The following LRRC37A3 variants were observed in gnomAD, a reference collection of about 807,000 sequenced individuals.
The protein encoded by LRRC37A3 is leucine-rich repeat-containing protein 37A3.
Under a neutral mutation model 106.2 loss-of-function variants are expected in LRRC37A3, and 25 were observed. That is an observed-to-expected ratio of 0.24 (90% CI 0.17 to 0.33). The LOEUF (loss-of-function observed/expected upper bound fraction) is 0.33, where lower values mean the gene tolerates loss of function less well. Among genes scored for constraint, LRRC37A3 ranks in the 10% least tolerant of loss-of-function variants. The pLI is 1.00. For synonymous variants in LRRC37A3, 305 were observed against 635.8 expected (o/e 0.48, Z 7.83); for missense variants, 712 against 1,644.9 (o/e 0.43, Z 9.81).
At chr17:64,910,120 T>C (rs1475800519) in intron 2 of LRRC37A3, 1 of 152,332 alleles carries the variant, frequency 6.6e-6, no homozygotes, top group African/African-American at 2.4e-5. Context: ...TAAATCTGCA[T>C]TGTGGTCATA....
intron 2 of LRRC37A3, among the ~76,000 whole-genome samples, chr17:64,916,471 C>T (rs1974703217): frequency 6.6e-6 from 1 of 151,594 alleles, no homozygotes; most frequent in African/African-American, 2.4e-5. Flanking sequence ...AATTAAACAT[C>T]TTAAATAAAG....
chr17:64,860,894 C>T lies in LRRC37A3; in HGVS notation c.3252G>A (p.Glu1084=). 2 of 1,614,168 alleles carry T rather than the reference C, an allele frequency of 1.2e-6. No individual in the cohort carries two copies. Among genetic ancestry groups the T allele is most frequent in the Non-Finnish European group, 1.7e-6 (2 of 1,180,020 alleles). ...LQARKNYTST[E]LIIEPEEPSD... is the part of the protein sequence containing the mutation. ...AGGGCTCCTCCGGCTCAATAATCAG[C>T]TCAGTGCTTGTGTAATTCTTCCGGG... Residue 1084 remains glutamate, a synonymous_variant, in exon 12 of 15, where the codon GAG becomes GAA. Coordinates refer to ENST00000584306, the MANE Select transcript of LRRC37A3 (RefSeq NM_199340.5).
intron 11 of LRRC37A3, 70 bp downstream of exon 11, chr17:64,862,830 T>C (rs1972921031): frequency 6.6e-7 from 1 of 1,520,600 alleles, no homozygotes; most frequent in Non-Finnish European, 9.0e-7. Flanking sequence ...AATTTTATCA[T>C]CATTAAAAAT....
At chr17:64,865,716 C>T (rs560864197) in intron 10 of LRRC37A3, among the ~76,000 whole-genome samples, 7 of 152,254 alleles carry the variant, frequency 4.6e-5, no homozygotes, top group East Asian at 3.9e-4. Flanking sequence ...AGGCATTCTC[C>T]GACATAACCA....
At chr17:64,873,328 ATTT>A in intron 8 of LRRC37A3, among the ~76,000 whole-genome samples, 1 of 150,738 alleles carries the variant, frequency 6.6e-6, no homozygotes, top group East Asian at 2.0e-4. Context: ...CTAGACAAAG[ATTT>A]TTTTATTTTT....
Position 64,860,086 on chromosome 17 carries a change from G to C in LRRC37A3, c.4060C>G (p.Pro1354Ala). 6.2e-7 allele frequency: 1 copy of C among 1,613,954 alleles called. No homozygotes were observed. Among genetic ancestry groups the C allele is most frequent in the Non-Finnish European group, 8.5e-7 (1 of 1,179,876 alleles). ...FSAAKSLINS[P>A]SQGAFSSLRD... ...AAGGATGAAAAAGCCCCTTGTGAAG[G>C]GGAATTTATGAGGCTCTTCGCTGCA... The change falls in exon 12 of 15, where the codon CCT (proline) becomes GCT (alanine). Residue 1354 changes from proline to alanine, a missense_variant. By Grantham distance (27) the Pro-to-Ala change is conservative. Transcript: ENST00000584306.
chr17:64,909,226 G>A (rs2685574), intron 2 of LRRC37A3, among the ~76,000 whole-genome samples: 5 of 151,732 alleles, frequency 3.3e-5, no homozygotes, highest in African/African-American at 9.7e-5. Context: ...AGTTATCTTC[G>A]AACTTTGCTA....
rs1250869988 is a variant in LRRC37A3 at position 64,854,226 on chromosome 17, G to C, written c.*373C>G. On this transcript the variant is annotated 3_prime_UTR_variant, in exon 15 of 15. Transcript: ENST00000584306. ...CATTCATGCGTGTGCTTGAGGGCTT[G>C]GGAAAAAGACAGGGCTTGGCCCCAC... The C allele has an allele frequency of 2.9e-6, 1 of 341,010 alleles. No homozygotes were observed. Among genetic ancestry groups the C allele is most frequent in the African/African-American group, 2.1e-5 (1 of 47,280 alleles). 21.1% of individuals were successfully genotyped at this position (341,010 alleles called of 1,614,324 possible).
At chr17:64,868,079 C>CA (rs907210324) in intron 10 of LRRC37A3, among the ~76,000 whole-genome samples, 165 of 144,376 alleles carry the variant, frequency 1.1e-3, no homozygotes, top group Non-Finnish European at 1.6e-3. Context: ...ATTTCAAAAA[C>CA]AAAAAAAAAA....
chr17:64,874,070 C>T (rs915116661), intron 8 of LRRC37A3, among the ~76,000 whole-genome samples: 1 of 152,156 alleles, frequency 6.6e-6, no homozygotes, highest in Admixed American at 6.5e-5. Context: ...TACAAGGGAT[C>T]CTCAATAAGA....
intron 6 of LRRC37A3, among the ~76,000 whole-genome samples, chr17:64,887,506 TCAAACAAA>T (rs555418869): frequency 1.8e-5 from 1 of 56,788 alleles, no homozygotes; most frequent in Non-Finnish European, 3.5e-5. Context: ...AGATTCCGTC[TCAAACAAA>T]CAAACAAACA....
At chr17:64,919,057 C>G (rs1040922976) in intron 1 of LRRC37A3, among the ~76,000 whole-genome samples, 187 bp from the exon 2 acceptor site, 37 of 150,186 alleles carry the variant, frequency 2.5e-4, no homozygotes, top group East Asian at 1.2e-3. Flanking sequence ...ACTGCTGCCC[C>G]CCCTGGGCGA....
rs201419991 is a variant in LRRC37A3 at position 64,881,227 on chromosome 17, TTTTTC to T, written c.2906+4854_2906+4858del. On this transcript the variant is annotated intron_variant, in intron 8 of 14. Transcript: ENST00000584306. ...TCTAGAGAATCTGAAACAGTGAGCC[TTTTTC>T]TTTTCTTTTCTTTTCTTTTCTTTTT... 2,228 of 698,624 alleles carry T rather than the reference TTTTTC, an allele frequency of 3.2e-3. 24 individuals are homozygous for T. Among genetic ancestry groups the T allele is most frequent in the South Asian group, 0.015 (1,016 of 67,324 alleles). 43.3% of individuals were successfully genotyped at this position (698,624 alleles called of 1,614,324 possible).
intron 11 of LRRC37A3, among the ~76,000 whole-genome samples, chr17:64,861,321 T>C (rs1353044140): frequency 6.6e-6 from 1 of 152,196 alleles, no homozygotes; most frequent in Non-Finnish European, 1.5e-5. Context: ...CTCTGCAGAC[T>C]GCTCCGTACC....
At chr17:64,913,230 T>A (rs1974629139) in intron 2 of LRRC37A3, among the ~76,000 whole-genome samples, 1 of 151,970 alleles carries the variant, frequency 6.6e-6, no homozygotes, top group African/African-American at 2.4e-5. Context: ...GGTTTCACCA[T>A]CTTAGCCAGG....
intron 8 of LRRC37A3, among the ~76,000 whole-genome samples, chr17:64,876,032 G>A (rs1004076991): frequency 1.3e-5 from 2 of 152,014 alleles, no homozygotes; most frequent in African/African-American, 2.4e-5. Flanking sequence ...CACCACACTC[G>A]GCTAACTAAA....
At position 64,860,591 on chromosome 17, in the gene LRRC37A3, C is replaced by T; in HGVS notation, c.3555G>A (p.Gln1185=). Residue 1185 remains glutamine, a synonymous_variant, in exon 12 of 15, where the codon CAG becomes CAA. Transcript: ENST00000584306. ...GGGCACCCTGTTCCCTCCTGATGCT[C>T]TGCCTTCCTACCTCTTTGAAGTGCC... ...QKRHFKEVGR[Q]SIRREQGAQA... is the part of the protein sequence containing the mutation. 1 of 1,613,764 alleles carries T rather than the reference C, an allele frequency of 6.2e-7. No homozygotes were observed. Among genetic ancestry groups the T allele is most frequent in the East Asian group, 2.2e-5 (1 of 44,888 alleles).
chr17:64,866,789 C>A (rs1322272530), intron 10 of LRRC37A3, among the ~76,000 whole-genome samples: 2 of 135,464 alleles, frequency 1.5e-5, no homozygotes, highest in African/African-American at 6.0e-5. Context: ...TGCCACCACA[C>A]CTGGCTGATT....
chr17:64,881,066 G>A (rs1031251783), intron 8 of LRRC37A3: 29 of 700,032 alleles, frequency 4.1e-5, no homozygotes, highest in Admixed American at 8.0e-5. Flanking sequence ...CCCAATATGC[G>A]CGATGTACTT....
Sources: gnomAD v4.1 joint callset for allele counts (sites outside exome capture counted in the v4.1 genomes callset) on GRCh38, gnomAD v4.1.1 for gene constraint, MANE v1.5 for transcripts, NCBI Gene and HGNC (gene_info 2026-07-23, HGNC 2026-07-21) for gene names.